DNAH9: variants seen among roughly 807,000 people sequenced by gnomAD.
DNAH9 encodes DNAH9 variant protein.
DNAH9 carries 345 observed loss-of-function variants against 471.6 expected under a neutral mutation model. The observed-to-expected ratio is 0.73, with a 90% CI of 0.67 to 0.80. The LOEUF (loss-of-function observed/expected upper bound fraction) is 0.80. Among genes scored for constraint, DNAH9 ranks in the 30% least tolerant of loss-of-function variants. The probability of loss-of-function intolerance (pLI) is 0.00; values close to 1 mark genes in which losing one functional copy is unlikely to be tolerated. For missense variants in DNAH9, 5,407 were observed against 5,609.2 expected, an observed-to-expected ratio of 0.96 and a Z score of 1.15; for synonymous variants, 2,093 against 2,123.6, an observed-to-expected ratio of 0.99 and a Z score of 0.40.
At chr17:11,803,378 G>GT (rs1969542051) in intron 43 of DNAH9, among the ~76,000 whole-genome samples, 2 of 140,106 alleles carry the variant, frequency 1.4e-5, no homozygotes, top group Non-Finnish European at 3.2e-5. Flanking sequence ...CATTCTCTAG[G>GT]GGTGTGTGTG....
At chr17:11,874,160 A>G (rs1256021398) in intron 52 of DNAH9, among the ~76,000 whole-genome samples, 1 of 151,378 alleles carries the variant, frequency 6.6e-6, no homozygotes, top group Non-Finnish European at 1.5e-5. Context: ...CAGGAGAATC[A>G]CTTGAACCCG....
chr17:11,921,112 G>T (rs1974123183), intron 61 of DNAH9, among the ~76,000 whole-genome samples: 1 of 151,988 alleles, frequency 6.6e-6, no homozygotes, highest in Admixed American at 6.6e-5. Flanking sequence ...CTGCACTCCA[G>T]CCTGGGTGTA....
intron 22 of DNAH9, among the ~76,000 whole-genome samples, chr17:11,694,656 CGCTT>C (rs2074405791): frequency 2.9e-4 from 2 of 6,812 alleles, no homozygotes; most frequent in South Asian, 6.3e-3. Flanking sequence ...CTCGCTTTCT[CGCTT>C]TCTCGCTTTC....
At chr17:11,798,457 AAGAGAGAGAG>A (rs1166706295) in intron 43 of DNAH9, among the ~76,000 whole-genome samples, 4 of 130,040 alleles carry the variant, frequency 3.1e-5, no homozygotes, top group Non-Finnish European at 4.9e-5. Flanking sequence ...AAAAAAAAAA[AAGAGAGAGAG>A]AGAGAGAGAG....
chr17:11,713,755 T>C (rs1033736880), intron 26 of DNAH9, among the ~76,000 whole-genome samples: 2 of 152,212 alleles, frequency 1.3e-5, no homozygotes, highest in Non-Finnish European at 2.9e-5. Context: ...TCCATTCTAC[T>C]CATTTACTAC....
rs1169340689 is a variant in DNAH9 at position 11,690,277 on chromosome 17, C to G, written c.4455C>G (p.Ser1485=). 2.5e-6 allele frequency: 4 copies of G among 1,614,102 alleles called. No homozygotes were observed. The highest frequency in any genetic ancestry group is 3.4e-6 in the Non-Finnish European group (4 of 1,180,020). The change falls in exon 20 of 69, where the codon TCC becomes TCG. Residue 1485 remains serine (S), a synonymous_variant. Coordinates refer to ENST00000262442, the MANE Select transcript of DNAH9 (RefSeq NM_001372.4). ...TTCAACTTCAGAACCTGGTGATGTC[C>G]AAGTATGTTGCTTTCTTCTTGGAGG... ...NQVQLQNLVM[S]KYVAFFLEEV...
chr17:11,793,777 G>A (rs565842114), intron 42 of DNAH9, 113 bp downstream of exon 42: 2 of 897,524 alleles, frequency 2.2e-6, no homozygotes, highest in African/African-American at 1.7e-5. Flanking sequence ...CAGAGTTTAG[G>A]TGAGGAAGGA....
At chr17:11,806,409 T>G (rs894807285) in intron 43 of DNAH9, among the ~76,000 whole-genome samples, 1 of 152,184 alleles carries the variant, frequency 6.6e-6, no homozygotes, top group Non-Finnish European at 1.5e-5. Context: ...GCAACATACA[T>G]ATCCAAGAGC....
At chr17:11,827,609 C>T (rs537471300) in intron 48 of DNAH9, among the ~76,000 whole-genome samples, 1 of 152,250 alleles carries the variant, frequency 6.6e-6, no homozygotes, top group African/African-American at 2.4e-5. Context: ...TTTGACAGTT[C>T]GACCTGAAAT....
At position 11,667,088 on chromosome 17, in the gene DNAH9, T is replaced by C. The variant is rs77281670; in HGVS notation, c.2732-1976T>C. ...ATAATTACATTGGCGTTACATCCAA[T>C]GTAGAGATTACAGTCCCATGTCAAC... is the stretch of plus-strand genomic sequence containing the variant. On this transcript the variant is annotated intron_variant, in intron 15 of 68. Coordinates refer to ENST00000262442, the MANE Select transcript of DNAH9 (RefSeq NM_001372.4). 7.4e-3 allele frequency among the ~76,000 whole-genome samples: 1,125 copies of C among 152,326 alleles called. 16 individuals carry two copies. Among genetic ancestry groups the C allele is most frequent in the African/African-American group, 0.026 (1,067 of 41,582 alleles).
In DNAH9 at chr17:11,626,353, C is replaced by A. The variant is rs2072969980; in HGVS notation, c.1351-3064C>A. Reference sequence around the variant, plus strand: ...AATCGAATTATTTTGATTCTTAAATCAAAGATTTAAGGCTAATCAAAGATA... The same window carrying A: ...AATCGAATTATTTTGATTCTTAAATAAAAGATTTAAGGCTAATCAAAGATA... On this transcript the variant is annotated intron_variant, in intron 6 of 68. Coordinates refer to ENST00000262442, the MANE Select transcript of DNAH9 (RefSeq NM_001372.4). The surrounding 1 kb of genome is among the most constrained non-coding windows in gnomAD (Gnocchi z 4.3). Among the ~76,000 whole-genome samples the A allele has an allele frequency of 6.6e-6, 1 of 152,036 alleles. No individual in the cohort carries two copies. Among genetic ancestry groups the A allele is most frequent in the Non-Finnish European group, 1.5e-5 (1 of 67,984 alleles).
intron 45 of DNAH9, among the ~76,000 whole-genome samples, chr17:11,812,814 C>T (rs114986352): frequency 2.0e-3 from 307 of 152,244 alleles, no homozygotes; most frequent in African/African-American, 6.8e-3. Flanking sequence ...ATCTCATCAC[C>T]TTCTGCAATA....
chr17:11,965,857 T>C (rs562692745), intron 68 of DNAH9, among the ~76,000 whole-genome samples: 1 of 152,148 alleles, frequency 6.6e-6, no homozygotes, highest in Non-Finnish European at 1.5e-5. Context: ...AGGAATTCAA[T>C]AGCAGAATTG....
At chr17:11,663,514 C>T (rs2073812557) in intron 14 of DNAH9, among the ~76,000 whole-genome samples, 1 of 152,176 alleles carries the variant, frequency 6.6e-6, no homozygotes, top group Non-Finnish European at 1.5e-5. Flanking sequence ...GTTACCCAAA[C>T]CAATTAATTC....
At chr17:11,774,136 C>CAAAAT (rs879425083) in intron 38 of DNAH9, among the ~76,000 whole-genome samples, 1 of 151,970 alleles carries the variant, frequency 6.6e-6, no homozygotes, top group African/African-American at 2.4e-5. Flanking sequence ...ATCCCTGCCA[C>CAAAAT]AAAATAAAAT....
chr17:11,656,080 A>C (rs2073641074), intron 14 of DNAH9, among the ~76,000 whole-genome samples: 1 of 152,230 alleles, frequency 6.6e-6, no homozygotes, highest in African/African-American at 2.4e-5. Flanking sequence ...GTAGATACCC[A>C]GTAGTGGGAT....
In DNAH9 at chr17:11,678,662, A is replaced by G. The variant is rs183840609; in HGVS notation, c.3354-1095A>G. On this transcript the variant is annotated intron_variant, in intron 17 of 68. Transcript: ENST00000262442. Reference sequence around the variant, plus strand: ...TCTTTGCTCTGAAGCTAATTTTAAGATTTTTTTTTTCTTTTGGTAATCTGT... The same window carrying G: ...TCTTTGCTCTGAAGCTAATTTTAAGGTTTTTTTTTTCTTTTGGTAATCTGT... 3.1e-3 allele frequency among the ~76,000 whole-genome samples: 464 copies of G among 149,880 alleles called. 2 individuals carry two copies. Among genetic ancestry groups the G allele is most frequent in the African/African-American group, 0.011 (456 of 40,898 alleles).
chr17:11,854,757 C>T (rs148484659), intron 50 of DNAH9, among the ~76,000 whole-genome samples: 25 of 152,234 alleles, frequency 1.6e-4, no homozygotes, highest in African/African-American at 6.0e-4. Flanking sequence ...CCCTTTTTAC[C>T]TGTTCCCTTC....
intron 30 of DNAH9, among the ~76,000 whole-genome samples, chr17:11,742,578 A>G (rs1359211927): frequency 6.6e-6 from 1 of 152,172 alleles, no homozygotes; most frequent in Non-Finnish European, 1.5e-5. Context: ...GCGTCCCATG[A>G]GAGACATTAC....
Sources: allele counts gnomAD v4.1 joint callset (sites outside exome capture counted in the v4.1 genomes callset), GRCh38; gene constraint gnomAD v4.1.1; non-coding constraint Gnocchi (gnomAD v3.1); transcripts MANE v1.5; gene names NCBI Gene and HGNC (gene_info 2026-07-23, HGNC 2026-07-21).